NACC2: variants seen among roughly 807,000 people sequenced by gnomAD.
NACC2 encodes nucleus accumbens-associated protein 2.
In NACC2, 8 loss-of-function variants were observed where a neutral mutation model predicts 25.1. That is an observed-to-expected ratio of 0.32 (90% CI 0.19 to 0.57). NACC2 has a LOEUF of 0.57. Ranked by LOEUF, NACC2 falls within the 20% of genes least tolerant of loss-of-function variation. The pLI, the probability that NACC2 is intolerant of heterozygous loss-of-function variation, is 0.89. For synonymous variants in NACC2, 435 were observed against 294.7 expected, an observed-to-expected ratio of 1.48 and a Z score of -4.88; for missense variants, 644 against 650.2, an observed-to-expected ratio of 0.99 and a Z score of 0.10.
intron 1 of NACC2, among the ~76,000 whole-genome samples, chr9:136,075,023 C>G (rs1015454626): frequency 6.6e-6 from 1 of 152,214 alleles, no homozygotes; most frequent in Non-Finnish European, 1.5e-5. Context: ...GAAACAGTGA[C>G]GTGAGGCCCA....
intron 5 of NACC2, 103 bp from the exon 6 acceptor site, chr9:136,012,127 G>C (rs575369429): frequency 7.3e-7 from 1 of 1,364,716 alleles, no homozygotes; most frequent in Admixed American, 2.9e-5. Context: ...CTCCCCGGCC[G>C]CTCCTGGGGC....
rs1238745064 is a variant in NACC2 at position 136,009,573 on chromosome 9, G to A, written c.*1943C>T. 6.6e-6 allele frequency: 1 copy of A among 152,344 alleles called. No individual in the cohort carries two copies. Among genetic ancestry groups the A allele is most frequent in the Admixed American group, 6.5e-5 (1 of 15,292 alleles). 9.4% of individuals were successfully genotyped at this position (152,344 alleles called of 1,614,324 possible). A position where few individuals can be genotyped will look rare whatever the true frequency, so the allele number is the denominator to read the frequency against. ...TTTCTGGAGGGCAGGCATGTGCTGGGCCTGGCTGGAGGCAGCCCAGGAGGC... is the reference window on the plus strand; with the variant it reads ...TTTCTGGAGGGCAGGCATGTGCTGGACCTGGCTGGAGGCAGCCCAGGAGGC... On this transcript the variant is annotated 3_prime_UTR_variant, in exon 6 of 6. Transcript: ENST00000277554.
chr9:136,059,907 C>G (rs1287662063), intron 1 of NACC2, among the ~76,000 whole-genome samples: 2 of 152,234 alleles, frequency 1.3e-5, no homozygotes, highest in Non-Finnish European at 2.9e-5. Flanking sequence ...CCAAGACCCA[C>G]CCCGATGTCC....
intron 1 of NACC2, among the ~76,000 whole-genome samples, chr9:136,051,485 G>A (rs1334451748): frequency 2.6e-5 from 4 of 152,194 alleles, no homozygotes; most frequent in Admixed American, 1.3e-4. Flanking sequence ...TGGGGAGGGC[G>A]CCGCTGTTTA....
At chr9:136,047,778 C>G (rs1380534647) in intron 2 of NACC2, among the ~76,000 whole-genome samples, 8 of 152,066 alleles carry the variant, frequency 5.3e-5, no homozygotes, top group African/African-American at 1.9e-4. Flanking sequence ...CCCATCAAGG[C>G]AGGTGGGCGT....
At chr9:136,090,062 T>C (rs1357700352) in intron 1 of NACC2, among the ~76,000 whole-genome samples, 1 of 151,486 alleles carries the variant, frequency 6.6e-6, no homozygotes. Context: ...AGCTGTGCAA[T>C]GGAAATGAAA....
chr9:136,081,477 G>A (rs1830324332), intron 1 of NACC2, among the ~76,000 whole-genome samples: 1 of 152,262 alleles, frequency 6.6e-6, no homozygotes, highest in Non-Finnish European at 1.5e-5. Flanking sequence ...GCCCAGGAAG[G>A]CGGTGCCGGG....
At chr9:136,089,485 C>A (rs79872970) in intron 1 of NACC2, among the ~76,000 whole-genome samples, 31 of 152,092 alleles carry the variant, frequency 2.0e-4, no homozygotes, top group African/African-American at 7.2e-4. Context: ...TGTCACCCCC[C>A]ACAACCCCAC....
intron 1 of NACC2, among the ~76,000 whole-genome samples, chr9:136,088,235 G>A (rs1033932894): frequency 1.3e-5 from 2 of 152,194 alleles, no homozygotes; most frequent in Non-Finnish European, 2.9e-5. Flanking sequence ...AGCCTCTGGG[G>A]AGAATCTTCA....
rs574348505 is a variant in NACC2, at chr9:136,063,478, G to A, written c.-59-12898C>T. Among the ~76,000 whole-genome samples, 11 of 152,304 alleles carry A rather than the reference G, an allele frequency of 7.2e-5. No homozygotes were observed. The South Asian group carries it at 8.3e-4, about 11-fold the overall frequency. On this transcript the variant is annotated intron_variant, in intron 1 of 5. Coordinates refer to ENST00000277554, the MANE Select transcript of NACC2 (RefSeq NM_144653.5). ...CCAGATTTACGTTTGACCTGTGGCC[G>A]AGCCTGCAAGTTCTCTGCATGTCCA...
intron 2 of NACC2, among the ~76,000 whole-genome samples, chr9:136,036,975 A>G (rs1303768002): frequency 6.6e-6 from 1 of 152,264 alleles, no homozygotes; most frequent in Non-Finnish European, 1.5e-5. Context: ...ATGAGATAAA[A>G]GCAGCCTAAG....
At chr9:136,035,795 T>G (rs1840542553) in intron 2 of NACC2, among the ~76,000 whole-genome samples, 1 of 152,178 alleles carries the variant, frequency 6.6e-6, no homozygotes, top group Non-Finnish European at 1.5e-5. Flanking sequence ...GAAAAACCTC[T>G]ACATGTAAAA....
In NACC2 at chr9:136,022,950, C is replaced by A. The variant is rs1261732955; in HGVS notation, c.887-6521G>T. ...TAAGACACAGCCCGTTTCGTGGATG[C>A]TGACACATGGGGAAATGCAGAAAAG... On this transcript the variant is annotated intron_variant, in intron 2 of 5. Coordinates refer to ENST00000277554, the MANE Select transcript of NACC2 (RefSeq NM_144653.5). The surrounding 1 kb of genome is among the most constrained non-coding windows in gnomAD (Gnocchi z 4.4). Among the ~76,000 whole-genome samples, 2 of 145,938 alleles carry A rather than the reference C, an allele frequency of 1.4e-5. No homozygotes were observed. The highest frequency in any genetic ancestry group is 5.1e-5 in the African/African-American group (2 of 38,922).
At chr9:136,079,243 A>T (rs1170730382) in intron 1 of NACC2, among the ~76,000 whole-genome samples, 1 of 152,184 alleles carries the variant, frequency 6.6e-6, no homozygotes, top group East Asian at 1.9e-4. Context: ...CTCTGAGCTG[A>T]GGGGGAGACC....
At position 136,044,263 on chromosome 9, in the gene NACC2, C is replaced by T. The variant is rs1044482417; in HGVS notation, c.886+5373G>A. Among the ~76,000 whole-genome samples, 245 of 152,292 alleles carry T rather than the reference C, an allele frequency of 1.6e-3. 7 individuals are homozygous for T. In the South Asian group the frequency reaches 0.043, roughly 27 times the overall value. ...CCAGTGCGGTGCTCCCACCTGTAAT[C>T]GCAGCTTTTTGGGAGGCTGAGGCGG... On this transcript the variant is annotated intron_variant, in intron 2 of 5. Coordinates refer to ENST00000277554, the MANE Select transcript of NACC2 (RefSeq NM_144653.5).
intron 1 of NACC2, among the ~76,000 whole-genome samples, chr9:136,079,808 A>C (rs537216479): frequency 1.3e-5 from 2 of 152,332 alleles, no homozygotes; most frequent in Non-Finnish European, 2.9e-5. Flanking sequence ...ATTTCAGGCC[A>C]CCAGGACAGG....
intron 1 of NACC2, among the ~76,000 whole-genome samples, chr9:136,066,297 C>T (rs1841080453): frequency 6.6e-6 from 1 of 151,702 alleles, no homozygotes; most frequent in African/African-American, 2.4e-5. Context: ...ATTCTGACAA[C>T]TCAACAATAA....
chr9:136,066,085 C>T (rs541503403), intron 1 of NACC2, among the ~76,000 whole-genome samples: 28 of 150,914 alleles, frequency 1.9e-4, no homozygotes, highest in South Asian at 4.2e-4. Flanking sequence ...CCCAGCTACT[C>T]GGGAGGCTGA....
In NACC2 at chr9:136,082,509, C is replaced by T. The variant is rs1394488476; in HGVS notation, c.-60+12680G>A. ...TGTGCAGGGCGGAGCTGACAGTGGC[C>T]CTCATCTCAACGGGGTCACCATCCA... is the stretch of plus-strand genomic sequence containing the variant. On this transcript the variant is annotated intron_variant, in intron 1 of 5. Transcript: ENST00000277554. Among the ~76,000 whole-genome samples, 100 of 152,230 alleles carry T rather than the reference C, an allele frequency of 6.6e-4. 1 individual carries two copies. Among genetic ancestry groups the T allele is most frequent in the Non-Finnish European group, 1.3e-4 (9 of 68,026 alleles).
Sources: gnomAD v4.1 joint callset for allele counts (sites outside exome capture counted in the v4.1 genomes callset) on GRCh38, gnomAD v4.1.1 for gene constraint, Gnocchi (gnomAD v3.1) non-coding constraint, MANE v1.5 for transcripts, NCBI Gene and HGNC (gene_info 2026-07-23, HGNC 2026-07-21) for gene names.